ANO4: variants seen among roughly 807,000 people sequenced by gnomAD.
ANO4 encodes the protein anoctamin 4.
ANO4 carries 69 observed loss-of-function variants against 141.9 expected under a neutral mutation model. The observed-to-expected ratio is 0.49, with a 90% CI of 0.40 to 0.59. ANO4 has a LOEUF of 0.59. Ranked by LOEUF, ANO4 falls within the 20% of genes least tolerant of loss-of-function variation. ANO4 has a pLI of 0.00. For missense variants in ANO4, 894 were observed against 1,162.2 expected (o/e 0.77, Z 3.36); for synonymous variants, 350 against 394.3 (o/e 0.89, Z 1.33).
chr12:101,110,349 A>G, intron 22 of ANO4, 55 bp from the exon 23 acceptor site: 3 of 1,506,076 alleles, frequency 2.0e-6, no homozygotes, highest in Non-Finnish European at 2.7e-6. Flanking sequence ...GATCCCTTTG[A>G]AAATAGTAAT....
chr12:100,899,115 C>T (rs1330717662), intron 1 of ANO4, among the ~76,000 whole-genome samples: 2 of 152,144 alleles, frequency 1.3e-5, no homozygotes, highest in African/African-American at 4.8e-5. Flanking sequence ...TGCCTAGGCA[C>T]CTGAGCATCA....
chr12:101,046,254 G>C (rs2047626906), intron 13 of ANO4, among the ~76,000 whole-genome samples: 1 of 152,234 alleles, frequency 6.6e-6, no homozygotes. Flanking sequence ...GAATGCCCCA[G>C]GGCAGCTATC....
intron 1 of ANO4, among the ~76,000 whole-genome samples, chr12:100,880,910 A>C (rs1347432916): frequency 6.6e-6 from 1 of 152,186 alleles, no homozygotes; most frequent in Non-Finnish European, 1.5e-5. Flanking sequence ...GCATATTTTC[A>C]TCTAGTGTAC....
chr12:101,075,340 T>C (rs1436931964), intron 14 of ANO4, among the ~76,000 whole-genome samples: 1 of 152,124 alleles, frequency 6.6e-6, no homozygotes, highest in African/African-American at 2.4e-5. Context: ...GATTTTATTC[T>C]ATAGGTGATG....
At chr12:100,777,562 G>A (rs1256189753) in intron 3 of ANO4, among the ~76,000 whole-genome samples, 3 of 151,910 alleles carry the variant, frequency 2.0e-5, no homozygotes, top group African/African-American at 4.8e-5. Flanking sequence ...CTAAGCTTGG[G>A]TTCTTTTATA....
At chr12:100,978,969 A>T (rs879514511) in intron 7 of ANO4, among the ~76,000 whole-genome samples, 6 of 152,170 alleles carry the variant, frequency 3.9e-5, no homozygotes, top group Admixed American at 3.9e-4. Context: ...CCAGTGTGGG[A>T]GTCAGCATGA....
intron 5 of ANO4, among the ~76,000 whole-genome samples, chr12:100,945,542 T>C (rs1200958869): frequency 6.6e-6 from 1 of 152,246 alleles, no homozygotes; most frequent in Non-Finnish European, 1.5e-5. Context: ...ATTTACTAAT[T>C]AACATTTTCT....
chr12:100,923,265 T>A (rs1028699096), intron 3 of ANO4, among the ~76,000 whole-genome samples: 3 of 152,082 alleles, frequency 2.0e-5, no homozygotes, highest in African/African-American at 7.2e-5. Flanking sequence ...TAGATATGTC[T>A]CCTAATGCTA....
Position 101,037,223 on chromosome 12 carries a change from A to G in ANO4, c.897+73A>G, listed in dbSNP as rs141593568. 59 of 1,479,098 alleles carry G rather than the reference A, an allele frequency of 4.0e-5. No homozygotes were observed. In the African/African-American group the frequency reaches 4.6e-4, roughly 12 times the overall value. The allele number at this position is 1,479,098 out of a possible 1,614,324, so 91.6% of individuals were successfully genotyped here. A position where few individuals can be genotyped will look rare whatever the true frequency, so the allele number is the denominator to read the frequency against. On this transcript the variant is annotated intron_variant, in intron 10 of 27. Transcript: ENST00000392977. ...TAAAGTCAGCTTCTAGAGATAGTCA[A>G]TAATTGAATTTGTTGACATTTGCTC...
At chr12:101,041,345 T>A (rs886418872) in intron 11 of ANO4, among the ~76,000 whole-genome samples, 5 of 152,214 alleles carry the variant, frequency 3.3e-5, no homozygotes, top group Non-Finnish European at 7.3e-5. Flanking sequence ...ATGGAAAATA[T>A]TTTCTGAGAT....
At chr12:101,018,939 A>G (rs1267220968) in intron 8 of ANO4, among the ~76,000 whole-genome samples, 1 of 152,190 alleles carries the variant, frequency 6.6e-6, no homozygotes, top group Non-Finnish European at 1.5e-5. Flanking sequence ...TCCTCAGTAA[A>G]CATTTGACGA....
chr12:100,878,366 G>A (rs1565962502), intron 1 of ANO4, among the ~76,000 whole-genome samples: 2 of 152,290 alleles, frequency 1.3e-5, no homozygotes, highest in African/African-American at 4.8e-5. Context: ...CACAGGGTGG[G>A]CACTTAATAG....
rs145497591 is a variant in ANO4 at position 100,933,802 on chromosome 12, G to A, written c.161-5513G>A. On this transcript the variant is annotated intron_variant, in intron 3 of 27. Transcript: ENST00000392977. ...GTTGTTTCCTGCCATTCTAACTGGC[G>A]TGAGATGGTATCTCATTGTGGTTTT... Among the ~76,000 whole-genome samples, 772 of 152,278 alleles carry A rather than the reference G, an allele frequency of 5.1e-3. 10 individuals carry two copies. Among genetic ancestry groups the A allele is most frequent in the African/African-American group, 0.018 (738 of 41,570 alleles).
chr12:100,884,472 A>G (rs569147720), intron 1 of ANO4, among the ~76,000 whole-genome samples: 1 of 152,274 alleles, frequency 6.6e-6, no homozygotes, highest in South Asian at 2.1e-4. Flanking sequence ...GACCAGGGGC[A>G]TTTTTGAGAA....
chr12:101,113,825 A>C (rs746569915), intron 24 of ANO4, among the ~76,000 whole-genome samples: 3 of 152,140 alleles, frequency 2.0e-5, no homozygotes, highest in Non-Finnish European at 4.4e-5. Context: ...TAGAATTCTC[A>C]CATTTAAATG....
intron 22 of ANO4, among the ~76,000 whole-genome samples, chr12:101,099,966 A>T (rs1036281353): frequency 6.6e-6 from 1 of 152,216 alleles, no homozygotes; most frequent in African/African-American, 2.4e-5. Flanking sequence ...GAAGTAAATT[A>T]TCTGGGTTCA....
At chr12:100,869,294 A>G (rs923344407) in intron 1 of ANO4, among the ~76,000 whole-genome samples, 2 of 152,108 alleles carry the variant, frequency 1.3e-5, no homozygotes, top group Admixed American at 6.6e-5. Flanking sequence ...TATGTAAGGG[A>G]TGTAGGCTGT....
chr12:100,756,658 T>C lies in ANO4; in HGVS notation c.358+16553T>C, dbSNP rs570389464. On this transcript the variant is annotated intron_variant, in intron 3 of 29. Coordinates refer to the ANO4 transcript ENST00000644049. ...CCACTGCGCCCGGCCTCAACTTGTTTTTTTCACTTGTTTTCTCTGACTCTT... is the reference window on the plus strand; with the variant it reads ...CCACTGCGCCCGGCCTCAACTTGTTCTTTTCACTTGTTTTCTCTGACTCTT... Among the ~76,000 whole-genome samples the C allele has an allele frequency of 2.6e-5, 4 of 152,290 alleles. No individual in the cohort carries two copies. The South Asian group carries it at 6.2e-4, about 24-fold the overall frequency.
chr12:100,819,593 A>G (rs922387132), intron 1 of ANO4, among the ~76,000 whole-genome samples: 1 of 151,998 alleles, frequency 6.6e-6, no homozygotes, highest in Non-Finnish European at 1.5e-5. Context: ...GAGGAAATGT[A>G]TATTTTAAAA....
Sources: allele counts gnomAD v4.1 joint callset (sites outside exome capture counted in the v4.1 genomes callset), GRCh38; gene constraint gnomAD v4.1.1; transcripts MANE v1.5; gene names NCBI Gene and HGNC (gene_info 2026-07-23, HGNC 2026-07-21).